ADCK1: variants seen among roughly 807,000 people sequenced by gnomAD.
ADCK1 encodes the protein aarF domain-containing protein kinase 1.
In ADCK1, 41 loss-of-function variants were observed where a neutral mutation model predicts 52.3. The observed-to-expected ratio is 0.78, with a 90% CI of 0.61 to 1.02. ADCK1 has a LOEUF of 1.02. Among genes scored for constraint, ADCK1 ranks in the 50% least tolerant of loss-of-function variants. ADCK1 has a pLI of 0.00. For missense variants in ADCK1, 658 were observed against 679.5 expected (o/e 0.97, Z 0.35); for synonymous variants, 250 against 274.6 (o/e 0.91, Z 0.89).
intron 3 of ADCK1, among the ~76,000 whole-genome samples, chr14:77,847,877 C>G (rs2082203352): frequency 6.6e-6 from 1 of 152,188 alleles, no homozygotes. Flanking sequence ...AGTTTGTTTT[C>G]TGGCTTACTG....
chr14:77,871,457 A>G (rs1406071905), intron 4 of ADCK1, among the ~76,000 whole-genome samples: 2 of 152,012 alleles, frequency 1.3e-5, no homozygotes, highest in Admixed American at 6.6e-5. Context: ...TCCCGGGTTC[A>G]AGCGATTGTC....
intron 7 of ADCK1, among the ~76,000 whole-genome samples, chr14:77,910,722 G>A (rs937717333): frequency 1.3e-5 from 2 of 152,240 alleles, no homozygotes; most frequent in African/African-American, 4.8e-5. Context: ...ACAGAAAGGT[G>A]CGCTCTGGGT....
intron 3 of ADCK1, among the ~76,000 whole-genome samples, chr14:77,855,098 C>T (rs2082390775): frequency 6.6e-6 from 1 of 152,234 alleles, no homozygotes; most frequent in Non-Finnish European, 1.5e-5. Flanking sequence ...CCTGCTTTCC[C>T]CCTCTGCCTT....
chr14:77,810,851 G>A (rs79926889), intron 1 of ADCK1, among the ~76,000 whole-genome samples: 4,856 of 152,194 alleles, frequency 0.032, 256 homozygotes, highest in African/African-American at 0.11. Context: ...CTTTACCCAC[G>A]GTCTCTTCAT....
At chr14:77,822,399 A>G in intron 2 of ADCK1, 36 bp from the exon 3 acceptor site, 2 of 1,542,028 alleles carry the variant, frequency 1.3e-6, no homozygotes, top group Non-Finnish European at 1.8e-6. Context: ...CTTAATGTCC[A>G]GGTGCTAAGC....
At chr14:77,819,203 A>G (rs1361712784) in intron 2 of ADCK1, 90 bp downstream of exon 2, 2 of 1,529,674 alleles carry the variant, frequency 1.3e-6, no homozygotes, top group Non-Finnish European at 1.8e-6. Flanking sequence ...CCTGCTATGC[A>G]TATGTGGAGA....
chr14:77,866,309 G>A (rs754018066), intron 4 of ADCK1, among the ~76,000 whole-genome samples: 1 of 152,172 alleles, frequency 6.6e-6, no homozygotes, highest in Non-Finnish European at 1.5e-5. Flanking sequence ...TATGTGGTCC[G>A]TTGTTGACCG....
intron 2 of ADCK1, among the ~76,000 whole-genome samples, chr14:77,821,891 G>GAAAAAAAAAAAA (rs35265585): frequency 9.1e-6 from 1 of 109,610 alleles, no homozygotes; most frequent in African/African-American, 3.8e-5. Flanking sequence ...CTCTGTCTCA[G>GAAAAAAAAAAAA]AAAAAAAAAA....
intron 1 of ADCK1, among the ~76,000 whole-genome samples, chr14:77,815,520 ATT>A (rs371572865): frequency 7.6e-5 from 10 of 131,088 alleles, no homozygotes; most frequent in Non-Finnish European, 8.3e-5. Flanking sequence ...AGGCACCTGC[ATT>A]TTTTTTTTTT....
intron 4 of ADCK1, among the ~76,000 whole-genome samples, chr14:77,885,042 T>G (rs1394821866): frequency 2.6e-5 from 4 of 152,248 alleles, no homozygotes; most frequent in Admixed American, 2.0e-4. Context: ...AGTGGATTCA[T>G]TCATTCAACA....
chr14:77,806,276 A>G (rs1375497143), intron 1 of ADCK1, among the ~76,000 whole-genome samples: 2 of 152,030 alleles, frequency 1.3e-5, no homozygotes, highest in Admixed American at 1.3e-4. Flanking sequence ...AAGAGGGATT[A>G]GTTTTATGGA....
intron 4 of ADCK1, among the ~76,000 whole-genome samples, chr14:77,871,183 A>G (rs757748892): frequency 9.2e-5 from 14 of 152,070 alleles, no homozygotes; most frequent in Non-Finnish European, 1.9e-4. Flanking sequence ...GGAAGTGGGG[A>G]TGTGGTTCAG....
chr14:77,904,173 G>A (rs1345146815), intron 6 of ADCK1, among the ~76,000 whole-genome samples: 3 of 152,150 alleles, frequency 2.0e-5, no homozygotes, highest in East Asian at 3.8e-4. Context: ...TGTGAAACTC[G>A]ATGTGGCTGT....
At chr14:77,900,990 T>C (rs913303808) in intron 6 of ADCK1, among the ~76,000 whole-genome samples, 23 of 151,556 alleles carry the variant, frequency 1.5e-4, no homozygotes, top group African/African-American at 5.6e-4. Context: ...GGGACTCCCA[T>C]GGCCTACTGG....
At chr14:77,823,560 C>A (rs937314947) in intron 3 of ADCK1, among the ~76,000 whole-genome samples, 7 of 137,052 alleles carry the variant, frequency 5.1e-5, no homozygotes, top group South Asian at 2.4e-4. Flanking sequence ...TCTTTCCCCC[C>A]TTTATTTATT....
At chr14:77,917,381 C>T (rs1042098720) in intron 7 of ADCK1, among the ~76,000 whole-genome samples, 4 of 152,180 alleles carry the variant, frequency 2.6e-5, no homozygotes, top group African/African-American at 7.2e-5. Flanking sequence ...TATCCTGTAA[C>T]ACCAACCCCG....
chr14:77,820,638 ACGTG>A (rs750425876), intron 2 of ADCK1, among the ~76,000 whole-genome samples: 6 of 68,716 alleles, frequency 8.7e-5, no homozygotes, highest in Admixed American at 3.4e-4. Context: ...GGCCAATTTT[ACGTG>A]TGTGTGTGTG....
chr14:77,865,050 G>A (rs2082633648), intron 4 of ADCK1, among the ~76,000 whole-genome samples: 1 of 152,182 alleles, frequency 6.6e-6, no homozygotes, highest in Admixed American at 6.5e-5. Context: ...GGGAGGCTGA[G>A]ATGGGAGGAT....
intron 5 of ADCK1, among the ~76,000 whole-genome samples, chr14:77,896,710 CCT>C (rs919506322): frequency 2.6e-5 from 4 of 152,314 alleles, no homozygotes; most frequent in African/African-American, 9.6e-5. Flanking sequence ...ACAGTCCAGG[CCT>C]CTCTGTTGCC....
Sources: allele counts gnomAD v4.1 joint callset (sites outside exome capture counted in the v4.1 genomes callset), GRCh38; gene constraint gnomAD v4.1.1; transcripts MANE v1.5; gene names NCBI Gene and HGNC (gene_info 2026-07-23, HGNC 2026-07-21).